Variants in PKHD1 observed in about 807,000 individuals in gnomAD.
PKHD1 encodes the protein fibrocystin.
In PKHD1, 291 loss-of-function variants were observed where a neutral mutation model predicts 412.0. The ratio of observed to expected loss-of-function variants is 0.71; its 90% CI spans 0.64 to 0.78. The LOEUF (loss-of-function observed/expected upper bound fraction) is 0.78, where lower values mean the gene tolerates loss of function less well. Ranked by LOEUF, PKHD1 falls within the 30% of genes least tolerant of loss-of-function variation. The pLI is 0.00. For missense variants in PKHD1, 4,825 were observed against 4,950.7 expected (o/e 0.97, Z 0.76); for synonymous variants, 1,777 against 1,821.5 (o/e 0.98, Z 0.62).
Position 51,867,901 on chromosome 6 carries a change from A to G in PKHD1, c.7695T>C (p.Cys2565=), listed in dbSNP as rs2151760253. ...SFGRVVHGSA[C]GGGVLFHRMS... ...TACGATGAAAAAGAACACCTCCTCC[A>G]CAGGCACTGCCATGGACAACCCGAC... The change falls in exon 48 of 67, where the codon TGT becomes TGC. Residue 2565 remains cysteine (C), a synonymous_variant. Coordinates refer to ENST00000371117, the MANE Select transcript of PKHD1 (RefSeq NM_138694.4). 6.2e-7 allele frequency: 1 copy of G among 1,613,350 alleles called. No individual in the cohort carries two copies. The highest frequency in any genetic ancestry group is 8.5e-7 in the Non-Finnish European group (1 of 1,179,382).
chr6:51,922,915 C>T (rs981100331), intron 37 of PKHD1, among the ~76,000 whole-genome samples: 1 of 152,188 alleles, frequency 6.6e-6, no homozygotes, highest in African/African-American at 2.4e-5. Context: ...CAATGCCCCA[C>T]CCTGCTTCGG....
intron 63 of PKHD1, among the ~76,000 whole-genome samples, chr6:51,644,450 A>G (rs1422725040): frequency 6.6e-6 from 1 of 152,190 alleles, no homozygotes; most frequent in African/African-American, 2.4e-5. Context: ...CCATTTGAAC[A>G]TTCCATATAT....
At chr6:51,764,577 T>G (rs1000786919) in intron 55 of PKHD1, among the ~76,000 whole-genome samples, 3 of 150,544 alleles carry the variant, frequency 2.0e-5, no homozygotes, top group Non-Finnish European at 3.0e-5. Flanking sequence ...TATACCCAAA[T>G]GACTATAAAT....
intron 51 of PKHD1, among the ~76,000 whole-genome samples, chr6:51,834,346 C>T (rs1768805987): frequency 6.6e-6 from 1 of 152,062 alleles, no homozygotes; most frequent in African/African-American, 2.4e-5. Flanking sequence ...AAACTTAGGT[C>T]TGTGGGAAAA....
rs376179014 is a variant in PKHD1 at position 51,903,692 on chromosome 6, C to T, written c.6901G>A (p.Val2301Met). Reference sequence around the variant, plus strand: ...TCGGCACCAGAAACCTGGATGATCACGTTGTTTCTTATTATATTTCCATGT... The same window carrying T: ...TCGGCACCAGAAACCTGGATGATCATGTTGTTTCTTATTATATTTCCATGT... ...SGHGNIIRNN[V>M]IIQVSGAEGL... Residue 2301 changes from valine to methionine, a missense_variant, in exon 43 of 67, where the codon GTG (valine) becomes ATG (methionine). By Grantham distance (21) the Val-to-Met change is conservative. Transcript: ENST00000371117. 17 of 1,610,994 alleles carry T rather than the reference C, an allele frequency of 1.1e-5. No individual in the cohort carries two copies. Among genetic ancestry groups the T allele is most frequent in the Admixed American group, 5.0e-5 (3 of 59,952 alleles).
chr6:52,001,261 T>G (rs567487438), intron 35 of PKHD1, among the ~76,000 whole-genome samples: 4 of 152,132 alleles, frequency 2.6e-5, no homozygotes, highest in African/African-American at 9.7e-5. Flanking sequence ...AATGTTTACA[T>G]TGATTAATAA....
intron 23 of PKHD1, among the ~76,000 whole-genome samples, chr6:52,046,448 C>T (rs1470659491): frequency 6.6e-6 from 1 of 152,208 alleles, no homozygotes; most frequent in Non-Finnish European, 1.5e-5. Context: ...AGAGCACAGC[C>T]ATGTCAGATA....
Position 51,870,482 on chromosome 6 carries a change from TTCTG to T in PKHD1, c.7486+18_7486+21del, listed in dbSNP as rs1471172932. The T allele has an allele frequency of 6.3e-7, 1 of 1,594,108 alleles. No homozygotes were observed. The highest frequency in any genetic ancestry group is 1.3e-5 in the African/African-American group (1 of 74,510). On this transcript the variant is annotated intron_variant, in intron 47 of 66. Coordinates refer to ENST00000371117, the MANE Select transcript of PKHD1 (RefSeq NM_138694.4). The stretch of plus-strand genomic sequence containing the variant: ...GAATATGGGCCTTATTTATCATCTG[TTCTG>T]TCTATTCAAATAATTACCTTGTCCT...
chr6:51,989,750 A>G (rs1796644254), intron 35 of PKHD1, among the ~76,000 whole-genome samples: 1 of 151,142 alleles, frequency 6.6e-6, no homozygotes, highest in Admixed American at 6.6e-5. Flanking sequence ...AGACCATTAA[A>G]ATACCTCAAG....
intron 43 of PKHD1, among the ~76,000 whole-genome samples, chr6:51,891,522 G>A (rs776432007): frequency 3.9e-5 from 6 of 152,098 alleles, no homozygotes; most frequent in South Asian, 2.1e-4. Context: ...CAGGTGATCC[G>A]CCCACCTTGG....
At chr6:51,924,742 G>A (rs1785250805) in intron 37 of PKHD1, among the ~76,000 whole-genome samples, 1 of 152,082 alleles carries the variant, frequency 6.6e-6, no homozygotes, top group South Asian at 2.1e-4. Flanking sequence ...TGATAAAGGA[G>A]GTATCAAGAA....
intron 35 of PKHD1, among the ~76,000 whole-genome samples, chr6:51,992,087 G>A (rs553678775): frequency 6.6e-6 from 1 of 152,256 alleles, no homozygotes; most frequent in South Asian, 2.1e-4. Context: ...AAGCATTTCT[G>A]AATGGTTATC....
intron 37 of PKHD1, among the ~76,000 whole-genome samples, chr6:51,916,181 A>G (rs976606495): frequency 2.6e-5 from 4 of 152,190 alleles, no homozygotes; most frequent in African/African-American, 9.6e-5. Flanking sequence ...CGCATAATTA[A>G]CATTCAATTC....
rs192099317 is a variant in PKHD1 at position 51,793,148 on chromosome 6, G to T, written c.8303-1775C>A. Among the ~76,000 whole-genome samples, 289 of 152,160 alleles carry T rather than the reference G, an allele frequency of 1.9e-3. 2 individuals are homozygous for T. The highest frequency in any genetic ancestry group is 6.7e-3 in the African/African-American group (276 of 41,480). On this transcript the variant is annotated intron_variant, in intron 52 of 66. Coordinates refer to ENST00000371117, the MANE Select transcript of PKHD1 (RefSeq NM_138694.4). ...CATTGATGACTGGTACAAAATGAAT[G>T]ATCAAGCTAAACAGACAAAAATAAA...
At chr6:51,885,838 AC>A in intron 45 of PKHD1, 28 bp downstream of exon 45, 1 of 1,386,258 alleles carries the variant, frequency 7.2e-7, no homozygotes, top group Non-Finnish European at 1.0e-6. Flanking sequence ...AAAAACAACA[AC>A]AATAACAACA....
intron 60 of PKHD1, chr6:51,741,279 C>T: frequency 2.0e-6 from 1 of 501,760 alleles, no homozygotes; most frequent in Non-Finnish European, 4.0e-6. Context: ...TTTGATGCCA[C>T]ACCCATGTAT....
At chr6:51,988,561 G>A (rs990680755) in intron 35 of PKHD1, among the ~76,000 whole-genome samples, 1 of 152,140 alleles carries the variant, frequency 6.6e-6, no homozygotes, top group Non-Finnish European at 1.5e-5. Context: ...GCACGTTCCA[G>A]TTTTCTATGC....
rs561721680 is a variant in PKHD1, at chr6:52,004,321, T to C, written c.5751+5988A>G. On this transcript the variant is annotated intron_variant, in intron 35 of 66. Transcript: ENST00000371117. ...GTACAGATATTATTTCTTTCAATTC[T>C]ATAATTTTTATTAATTTTTGAAATA... Among the ~76,000 whole-genome samples, 5 of 152,334 alleles carry C rather than the reference T, an allele frequency of 3.3e-5. No individual in the cohort carries two copies. The East Asian group carries it at 7.7e-4, about 23-fold the overall frequency.
At chr6:51,771,161 T>A (rs1364693089) in intron 55 of PKHD1, among the ~76,000 whole-genome samples, 2 of 151,746 alleles carry the variant, frequency 1.3e-5, no homozygotes, top group African/African-American at 4.8e-5. Flanking sequence ...ATATTTACTA[T>A]ACCTATTGTA....
Sources: gnomAD v4.1 joint callset for allele counts (sites outside exome capture counted in the v4.1 genomes callset) on GRCh38, gnomAD v4.1.1 for gene constraint, MANE v1.5 for transcripts, NCBI Gene and HGNC (gene_info 2026-07-23, HGNC 2026-07-21) for gene names.